The following RUFY4 variants were observed in gnomAD, a reference collection of about 807,000 sequenced individuals.
RUFY4 encodes RUN and FYVE domain containing 4, also known as RUN and FYVE domain-containing protein 4.
A neutral mutation model predicts 69.0 loss-of-function variants in RUFY4; 73 were observed. That is an observed-to-expected ratio of 1.06 (90% confidence interval 0.88 to 1.29). The LOEUF (loss-of-function observed/expected upper bound fraction) is 1.29. RUFY4 is among the 50% of genes most tolerant of loss of function. The pLI, the probability that RUFY4 is intolerant of heterozygous loss-of-function variation, is 0.00. For missense variants in RUFY4, 770 were observed against 705.6 expected, an observed-to-expected ratio of 1.09 and a Z score of -1.03; for synonymous variants, 287 against 271.8, an observed-to-expected ratio of 1.06 and a Z score of -0.55.
At chr2:218,065,241 C>G (rs1689296192), upstream of RUFY4, among the ~76,000 whole-genome samples, 1 of 152,090 alleles carries the variant, frequency 6.6e-6, no homozygotes, top group Non-Finnish European at 1.5e-5. Flanking sequence ...GGCAGGGCAT[C>G]AGAGTCAGAG....
At chr2:218,076,316 C>T (rs930627105) in intron 7 of RUFY4, 111 bp from the exon 10 acceptor site, 12 of 1,455,290 alleles carry the variant, frequency 8.2e-6, no homozygotes, top group Non-Finnish European at 9.1e-6. Context: ...TGTCCCCAGC[C>T]CTGCCAGGGC....
chr2:218,042,743 C>A (rs943794606), intron 2 of RUFY4, among the ~76,000 whole-genome samples: 1 of 151,930 alleles, frequency 6.6e-6, no homozygotes, highest in Admixed American at 6.6e-5. Flanking sequence ...GGGAAAGGGG[C>A]AGTTTTAATT....
exon 1 of RUFY4, chr2:218,070,620 A>G: frequency 1.3e-6 from 2 of 1,537,602 alleles, no homozygotes; most frequent in Non-Finnish European, 1.7e-6. Flanking sequence ...CAGAAGAGGG[A>G]GCCATCCTCA....
At chr2:218,072,668 G>A (rs753273139) in intron 3 of RUFY4, 111 bp from the exon 6 acceptor site, 3 of 1,295,354 alleles carry the variant, frequency 2.3e-6, no homozygotes, top group Non-Finnish European at 3.1e-6. Context: ...ATGGCCTCAG[G>A]TCCCCCTGCA....
chr2:218,078,514 G>T (rs1457031962), intron 8 of RUFY4, among the ~76,000 whole-genome samples: 1 of 152,194 alleles, frequency 6.6e-6, no homozygotes, highest in Non-Finnish European at 1.5e-5. Context: ...AAGGAGGCAG[G>T]TTAGGGAGAG....
At chr2:218,035,770 C>T (rs113324182) in intron 2 of RUFY4, among the ~76,000 whole-genome samples, 3,106 of 152,304 alleles carry the variant, frequency 0.02, 125 homozygotes, top group African/African-American at 0.072. Context: ...AAACCAGGCA[C>T]CCTGCTCCCC....
intron 4 of RUFY4, 66 bp downstream of exon 6, chr2:218,072,951 C>G (rs1406463888): frequency 1.5e-6 from 2 of 1,301,842 alleles, no homozygotes; most frequent in South Asian, 1.5e-5. Flanking sequence ...TGTAAAAGAG[C>G]CCTCCTTTAA....
At chr2:218,062,264 G>A (rs563664719) in intron 3 of RUFY4, among the ~76,000 whole-genome samples, 44 of 152,208 alleles carry the variant, frequency 2.9e-4, no homozygotes, top group African/African-American at 9.6e-4. Flanking sequence ...AAATTAGCCG[G>A]GCATGGTGGC....
At chr2:218,079,147 G>T (rs1010427590) in intron 8 of RUFY4, among the ~76,000 whole-genome samples, 2 of 152,210 alleles carry the variant, frequency 1.3e-5, no homozygotes, top group Non-Finnish European at 2.9e-5. Context: ...GAGATTACAG[G>T]CATGAGCCAC....
intron 9 of RUFY4, among the ~76,000 whole-genome samples, chr2:218,088,682 T>G (rs935297806): frequency 6.6e-6 from 1 of 152,156 alleles, no homozygotes; most frequent in Non-Finnish European, 1.5e-5. Context: ...AAGGTTATTT[T>G]GGGCAAAGAG....
At position 218,060,912 on chromosome 2, in the gene RUFY4, C is replaced by T. The variant is rs1285085878; in HGVS notation, c.-1071+2231C>T. On this transcript the variant is annotated intron_variant and NMD_transcript_variant, in intron 3 of 13. Coordinates refer to the RUFY4 transcript ENST00000457754. ...TAGGGACAGTAACAGGAACAGGTTCCACAAACCCAGACATATGAACTTGAC... is the reference window on the plus strand; with the variant it reads ...TAGGGACAGTAACAGGAACAGGTTCTACAAACCCAGACATATGAACTTGAC... The T allele has an allele frequency of 5.9e-6, 6 of 1,017,562 alleles. 1 individual carries two copies. The South Asian group carries it at 7.6e-5, about 13-fold the overall frequency. The allele number at this position is 1,017,562 out of a possible 1,614,324, so 63.0% of individuals were successfully genotyped here.
chr2:218,062,245 T>A (rs147670145), intron 3 of RUFY4, among the ~76,000 whole-genome samples: 30,095 of 150,178 alleles, frequency 0.2, 3,646 homozygotes, highest in East Asian at 0.36. Flanking sequence ...TAAAAATATT[T>A]TAAAAAAAAA....
intron 2 of RUFY4, among the ~76,000 whole-genome samples, chr2:218,047,194 A>G (rs1338624986): frequency 6.6e-6 from 1 of 152,166 alleles, no homozygotes; most frequent in African/African-American, 2.4e-5. Flanking sequence ...TATTTAACAG[A>G]TAAGGAAAAA....
chr2:218,081,714 A>C (rs1207351905), intron 8 of RUFY4, among the ~76,000 whole-genome samples: 1 of 152,194 alleles, frequency 6.6e-6, no homozygotes. Flanking sequence ...GAGGTGCCAA[A>C]AGACTAGAAT....
chr2:218,043,797 C>T (rs1195939294), intron 2 of RUFY4, among the ~76,000 whole-genome samples: 1 of 152,230 alleles, frequency 6.6e-6, no homozygotes, highest in African/African-American at 2.4e-5. Context: ...TCCCAGGAGC[C>T]TGTCTGCCTC....
intron 8 of RUFY4, among the ~76,000 whole-genome samples, chr2:218,077,180 C>G (rs1442855973): frequency 6.6e-6 from 1 of 152,222 alleles, no homozygotes. Flanking sequence ...ACTCCAGAAC[C>G]AGTGGGCTCA....
At chr2:218,075,628 G>T in exon 7 of RUFY4, 1 of 1,519,158 alleles carries the variant, frequency 6.6e-7, no homozygotes, top group Non-Finnish European at 8.8e-7. Context: ...GTCCTTCAGG[G>T]ACACGCAACA....
rs76771370 is a variant in RUFY4 at position 218,046,428 on chromosome 2, T to C, written c.-1158+11034T>C. 3.4e-3 allele frequency among the ~76,000 whole-genome samples: 513 copies of C among 152,176 alleles called. 3 individuals carry two copies. The highest frequency in any genetic ancestry group is 0.011 in the African/African-American group (467 of 41,506). ...TCTATGAGTTCAACTTTTTTTAGCT[T>C]CCACATACGCGTGAGACAGTGCAGT... On this transcript the variant is annotated intron_variant and NMD_transcript_variant, in intron 2 of 13. Coordinates refer to the RUFY4 transcript ENST00000457754.
chr2:218,057,092 AAAG>A lies in RUFY4; in HGVS notation c.-1157-1501_-1157-1499del, dbSNP rs1183679731. Among the ~76,000 whole-genome samples, 483 of 152,068 alleles carry A rather than the reference AAAG, an allele frequency of 3.2e-3. 4 individuals carry two copies. The highest frequency in any genetic ancestry group is 0.011 in the African/African-American group (444 of 41,466). On this transcript the variant is annotated intron_variant and NMD_transcript_variant, in intron 2 of 13. Transcript: ENST00000457754. ...AGACTCTATCTCAAAAAAAAAAAAA[AAAG>A]AGAGAGAGAAGACTAGTTTTACCCA...
Sources: gnomAD v4.1 joint callset for allele counts (sites outside exome capture counted in the v4.1 genomes callset) on GRCh38, gnomAD v4.1.1 for gene constraint, MANE v1.5 for transcripts, NCBI Gene and HGNC (gene_info 2026-07-23, HGNC 2026-07-21) for gene names.